Variants in NLRP7 observed in about 807,000 individuals in gnomAD.
The protein encoded by NLRP7 is NACHT, LRR and PYD domains-containing protein 7.
In NLRP7, 72 loss-of-function variants were observed where a neutral mutation model predicts 85.5. The observed-to-expected ratio is 0.84, with a 90% CI of 0.70 to 1.02. The LOEUF is 1.02. Ranked by LOEUF, NLRP7 falls within the 50% of genes least tolerant of loss-of-function variation. The pLI, the probability that NLRP7 is intolerant of heterozygous loss-of-function variation, is 0.00. For synonymous variants in NLRP7, 550 were observed against 505.2 expected (o/e 1.09, Z -1.19); for missense variants, 1,243 against 1,219.5 (o/e 1.02, Z -0.29).
Position 54,934,791 on chromosome 19 carries a change from C to T in NLRP7, c.2301-132G>A. 3 of 691,484 alleles carry T rather than the reference C, an allele frequency of 4.3e-6. No individual in the cohort carries two copies. Among genetic ancestry groups the T allele is most frequent in the Admixed American group, 5.8e-5 (2 of 34,190 alleles). 42.8% of individuals were successfully genotyped at this position (691,484 alleles called of 1,614,324 possible). On this transcript the variant is annotated intron_variant, in intron 6 of 9. Coordinates refer to ENST00000340844, the Ensembl canonical transcript of NLRP7. This position sits in a 1 kb window ranked among gnomAD's most constrained non-coding sequence, Gnocchi z 6.7. The stretch of plus-strand genomic sequence containing the variant: ...AAGGCGTGATCTCACCTCACTGCAG[C>T]CTCCGCCTCCCGGGTTCAAGCTATT...
chr19:54,944,113 G>T (rs954456029), intron 1 of NLRP7, among the ~76,000 whole-genome samples: 2 of 152,080 alleles, frequency 1.3e-5, no homozygotes, highest in Non-Finnish European at 1.5e-5. Context: ...CGTGGGAAGG[G>T]AAAGACCAGA....
chr19:54,925,970 A>G (rs986624409), intron 9 of NLRP7, among the ~76,000 whole-genome samples: 9 of 151,940 alleles, frequency 5.9e-5, no homozygotes, highest in African/African-American at 1.9e-4. Flanking sequence ...GCTTCACTCC[A>G]GCCTGGGCGA....
chr19:54,959,612 A>G (rs1264437849), intron 1 of NLRP7, among the ~76,000 whole-genome samples: 1 of 151,816 alleles, frequency 6.6e-6, no homozygotes, highest in Non-Finnish European at 1.5e-5. Context: ...CAGGAGCTCA[A>G]GTCCAGCCTG....
intron 1 of NLRP7, among the ~76,000 whole-genome samples, chr19:54,942,457 C>T (rs2146234424): frequency 6.6e-6 from 1 of 152,164 alleles, no homozygotes; most frequent in Admixed American, 6.6e-5. Context: ...GGCGCGGTGG[C>T]TCACGCCTGT....
chr19:54,939,539 A>G lies in NLRP7; in HGVS notation c.1280T>C (p.Met427Thr), dbSNP rs1654635. The G allele has an allele frequency of 7.1e-5, 115 of 1,611,986 alleles. No individual in the cohort carries two copies. Among genetic ancestry groups the G allele is most frequent in the South Asian group, 5.4e-4 (49 of 90,974 alleles). ...CAGGTCCTCTCGGTGGAACACGGAC[A>G]TCTGCGCCCACAGGCCCTGCGCGGC... The change falls in exon 4 of 10, where the codon ATG becomes ACG. Residue 427 changes from methionine to threonine, a missense_variant. Met to Thr is a moderately conservative substitution (Grantham distance 81). Coordinates refer to ENST00000340844, the Ensembl canonical transcript of NLRP7.
chr19:54,950,743 C>G (rs1371236411), upstream of NLRP7, among the ~76,000 whole-genome samples: 2 of 151,430 alleles, frequency 1.3e-5, no homozygotes, highest in South Asian at 4.2e-4. Flanking sequence ...TGCCCAGGGA[C>G]GAGCAGGAGA....
chr19:54,951,567 AAAAC>A (rs1178307507), upstream of NLRP7, among the ~76,000 whole-genome samples: 2 of 152,040 alleles, frequency 1.3e-5, no homozygotes, highest in South Asian at 2.1e-4. Flanking sequence ...ACAAAAAACA[AAAAC>A]AAAAACAAAA....
At chr19:54,958,326 C>T (rs2069924901) in intron 1 of NLRP7, among the ~76,000 whole-genome samples, 1 of 152,040 alleles carries the variant, frequency 6.6e-6, no homozygotes, top group South Asian at 2.1e-4. Flanking sequence ...ATGAACATGT[C>T]AGTAACAATA....
At chr19:54,929,842 T>C (rs922904426) in intron 9 of NLRP7, among the ~76,000 whole-genome samples, 3 of 151,880 alleles carry the variant, frequency 2.0e-5, no homozygotes, top group Non-Finnish European at 4.4e-5. Flanking sequence ...TGGCCGGGCG[T>C]GGTGGCTCAC....
rs144840721 is a variant in NLRP7 at position 54,955,325 on chromosome 19, G to A, written c.-76-7820C>T. On this transcript the variant is annotated intron_variant, in intron 1 of 2. Transcript: ENST00000587103. ...GCCTGGGCAACAAGAGTGAAACTCC[G>A]TCTCAAAAATAAATAAATAAAATCA... Among the ~76,000 whole-genome samples, 1,385 of 152,046 alleles carry A rather than the reference G, an allele frequency of 9.1e-3. 14 individuals are homozygous for A. Among genetic ancestry groups the A allele is most frequent in the African/African-American group, 0.031 (1,296 of 41,480 alleles).
intron 9 of NLRP7, among the ~76,000 whole-genome samples, chr19:54,930,132 A>G (rs1339083958): frequency 1.3e-5 from 2 of 151,038 alleles, no homozygotes; most frequent in Non-Finnish European, 2.9e-5. Flanking sequence ...AAAAAAAAAA[A>G]AAGAAAACAT....
rs1445798546 is a variant in NLRP7 at position 54,954,516 on chromosome 19, G to A, written c.-76-7011C>T. ...CTGCACTCTGGCCTGGTGAAAGAGCGAGACTCCGTCTCAAAAAAAAAAAAA... is the reference window on the plus strand; with the variant it reads ...CTGCACTCTGGCCTGGTGAAAGAGCAAGACTCCGTCTCAAAAAAAAAAAAA... On this transcript the variant is annotated intron_variant, in intron 1 of 2. Transcript: ENST00000587103. Among the ~76,000 whole-genome samples the A allele has an allele frequency of 1.8e-5, 2 of 108,454 alleles. 1 individual carries two copies. Among genetic ancestry groups the A allele is most frequent in the Non-Finnish European group, 3.5e-5 (2 of 56,792 alleles). 71.2% of individuals were successfully genotyped at this position (108,454 alleles called of 152,430 possible). A position where few individuals can be genotyped will look rare whatever the true frequency, so the allele number is the denominator to read the frequency against.
At chr19:54,926,205 GGTGTGTGT>G (rs138774910) in intron 9 of NLRP7, among the ~76,000 whole-genome samples, 1 of 143,642 alleles carries the variant, frequency 7.0e-6, no homozygotes, top group Admixed American at 7.1e-5. Flanking sequence ...AATGATTAGG[GGTGTGTGT>G]GTGTGTGTGT....
chr19:54,927,444 T>C (rs1476398874), intron 9 of NLRP7, among the ~76,000 whole-genome samples, 161 bp downstream of exon 10: 1 of 151,514 alleles, frequency 6.6e-6, no homozygotes, highest in Non-Finnish European at 1.5e-5. Flanking sequence ...TAGGCCCAGC[T>C]ACTCATGAGG....
intron 1 of NLRP7, among the ~76,000 whole-genome samples, chr19:54,963,967 G>A (rs1485070885): frequency 2.7e-5 from 4 of 147,818 alleles, no homozygotes; most frequent in Non-Finnish European, 4.5e-5. Flanking sequence ...TGCAACCTCC[G>A]CCTCCTGGGT....
rs112177300 is a variant in NLRP7 at position 54,956,670 on chromosome 19, G to T, written c.-76-9165C>A. On this transcript the variant is annotated intron_variant, in intron 1 of 2. Transcript: ENST00000587103. ...GATTGTGCCTTTGCACTCCAGCCTGGGAGACAGAGCAAGACTCTCCCTCAA... is the reference window on the plus strand; with the variant it reads ...GATTGTGCCTTTGCACTCCAGCCTGTGAGACAGAGCAAGACTCTCCCTCAA... Among the ~76,000 whole-genome samples the T allele has an allele frequency of 6.8e-3, 1,033 of 151,112 alleles. 11 individuals carry two copies. Among genetic ancestry groups the T allele is most frequent in the African/African-American group, 0.023 (960 of 41,208 alleles).
intron 1 of NLRP7, among the ~76,000 whole-genome samples, chr19:54,946,780 C>T (rs2069495627): frequency 6.6e-6 from 1 of 152,088 alleles, no homozygotes; most frequent in Admixed American, 6.6e-5. Flanking sequence ...ACTGGGATTA[C>T]AGGCATGCAC....
chr19:54,959,505 C>G (rs73605974), intron 1 of NLRP7, among the ~76,000 whole-genome samples: 3,245 of 151,562 alleles, frequency 0.021, 115 homozygotes, highest in African/African-American at 0.075. Flanking sequence ...CGGTTTCTCT[C>G]TTCCCTCACC....
intron 1 of NLRP7, among the ~76,000 whole-genome samples, chr19:54,944,967 C>A (rs1480139101): frequency 1.3e-5 from 2 of 151,720 alleles, no homozygotes; most frequent in Non-Finnish European, 2.9e-5. Flanking sequence ...TGGCCAGGCA[C>A]GGTGGCTCAC....
Sources: allele counts gnomAD v4.1 joint callset (sites outside exome capture counted in the v4.1 genomes callset), GRCh38; gene constraint gnomAD v4.1.1; non-coding constraint Gnocchi (gnomAD v3.1); transcripts MANE v1.5; gene names NCBI Gene and HGNC (gene_info 2026-07-23, HGNC 2026-07-21).